Variants in EXOC2 observed in about 807,000 individuals in gnomAD.
The protein encoded by EXOC2 is SEC5-like 1.
Under a neutral mutation model 131.8 loss-of-function variants are expected in EXOC2, and 70 were observed. The observed-to-expected ratio is 0.53, with a 90% CI of 0.44 to 0.65. The LOEUF (loss-of-function observed/expected upper bound fraction) is 0.65, where lower values mean the gene tolerates loss of function less well. EXOC2 is among the 30% of genes least tolerant of loss of function. The probability of loss-of-function intolerance (pLI) is 0.00; values close to 1 mark genes in which losing one functional copy is unlikely to be tolerated. For synonymous variants in EXOC2, 411 were observed against 398.4 expected (o/e 1.03, Z -0.38); for missense variants, 923 against 1,108.6 (o/e 0.83, Z 2.38).
chr6:630,738 C>T (rs1761804062), intron 3 of EXOC2, among the ~76,000 whole-genome samples: 1 of 152,146 alleles, frequency 6.6e-6, no homozygotes, highest in Non-Finnish European at 1.5e-5. Context: ...GTTATCAGTG[C>T]TGGAAATGTC....
rs1759923239 is a variant in EXOC2, at chr6:598,132, A to T, written c.971-9T>A. On this transcript the variant is annotated splice_polypyrimidine_tract_variant and intron_variant, in intron 9 of 27. Transcript: ENST00000230449. ...TTCTACTTCAGCATAATCTATTTAA[A>T]AAGAAAAGAATACACAAGATTTACA... 6.3e-7 allele frequency: 1 copy of T among 1,576,644 alleles called. No individual in the cohort carries two copies. Among genetic ancestry groups the T allele is most frequent in the African/African-American group, 1.4e-5 (1 of 73,846 alleles).
intron 25 of EXOC2, among the ~76,000 whole-genome samples, chr6:494,352 G>A (rs139940834): frequency 1.4e-4 from 21 of 152,134 alleles, no homozygotes; most frequent in African/African-American, 4.6e-4. Flanking sequence ...AGCCTCACAT[G>A]ACCACATGGC....
chr6:684,066 C>G (rs1358236570), intron 1 of EXOC2, among the ~76,000 whole-genome samples: 1 of 152,224 alleles, frequency 6.6e-6, no homozygotes, highest in East Asian at 1.9e-4. Context: ...AGCAGCCTCT[C>G]GGCTGAGCGG....
chr6:692,209 C>T (rs1409576725), intron 1 of EXOC2, among the ~76,000 whole-genome samples: 2 of 152,210 alleles, frequency 1.3e-5, no homozygotes, highest in African/African-American at 4.8e-5. Context: ...TTCATAAAGG[C>T]ATCAGACTTA....
At chr6:549,093 T>C in intron 22 of EXOC2, 82 bp downstream of exon 22, 1 of 1,152,944 alleles carries the variant, frequency 8.7e-7, no homozygotes, top group Non-Finnish European at 1.3e-6. Context: ...TGGGCACTGC[T>C]AGCAGAACAC....
chr6:692,701 G>C (rs1764991197), intron 1 of EXOC2, among the ~76,000 whole-genome samples: 2 of 152,252 alleles, frequency 1.3e-5, no homozygotes, highest in Admixed American at 1.3e-4. Context: ...GGCGCAGTCT[G>C]GGGCCAGCTC....
intron 23 of EXOC2, among the ~76,000 whole-genome samples, chr6:501,078 A>C (rs955067518): frequency 7.7e-6 from 1 of 129,134 alleles, no homozygotes; most frequent in Admixed American, 9.9e-5. Flanking sequence ...ATATATCTAT[A>C]TATCTATTGG....
chr6:611,028 T>C (rs570843088), intron 6 of EXOC2, among the ~76,000 whole-genome samples: 19 of 152,370 alleles, frequency 1.2e-4, no homozygotes, highest in African/African-American at 4.3e-4. Flanking sequence ...TGACATAAGA[T>C]GTTTCTACAT....
intron 23 of EXOC2, among the ~76,000 whole-genome samples, chr6:502,515 G>A (rs1029572199): frequency 1.3e-5 from 2 of 152,068 alleles, no homozygotes; most frequent in Non-Finnish European, 2.9e-5. Context: ...ACACTTCCTG[G>A]CAAGAACCCA....
chr6:658,993 C>T (rs995435150), intron 1 of EXOC2, among the ~76,000 whole-genome samples: 2 of 152,094 alleles, frequency 1.3e-5, no homozygotes, highest in African/African-American at 4.8e-5. Flanking sequence ...TTAAATCCTC[C>T]CACTTATTCA....
intron 1 of EXOC2, among the ~76,000 whole-genome samples, chr6:654,812 A>AAAAAAAAAAC (rs1762993419): frequency 9.9e-6 from 1 of 100,582 alleles, no homozygotes; most frequent in African/African-American, 3.9e-5. Flanking sequence ...TCAAAAAAAA[A>AAAAAAAAAAC]AAAAAAAAAA....
chr6:621,111 A>G (rs1561935629), intron 4 of EXOC2, among the ~76,000 whole-genome samples: 1 of 152,192 alleles, frequency 6.6e-6, no homozygotes, highest in Non-Finnish European at 1.5e-5. Context: ...CATAGGCACA[A>G]CTTCCAATGG....
chr6:677,564 G>T (rs965296005), intron 1 of EXOC2, among the ~76,000 whole-genome samples: 2 of 152,102 alleles, frequency 1.3e-5, no homozygotes, highest in Non-Finnish European at 2.9e-5. Context: ...TGCCTCCTGG[G>T]TTCAAGCGAT....
At chr6:643,509 A>G (rs935710975) in intron 1 of EXOC2, among the ~76,000 whole-genome samples, 4 of 152,210 alleles carry the variant, frequency 2.6e-5, no homozygotes, top group Admixed American at 6.5e-5. Context: ...GAAATGAATG[A>G]TAAGAAACAT....
chr6:678,702 C>CA (rs2127793254), intron 1 of EXOC2, among the ~76,000 whole-genome samples: 1 of 152,306 alleles, frequency 6.6e-6, no homozygotes, highest in African/African-American at 2.4e-5. Context: ...CATGGGGCTC[C>CA]AGGGCAACAG....
intron 4 of EXOC2, among the ~76,000 whole-genome samples, chr6:621,672 C>G (rs2127684718): frequency 6.6e-6 from 1 of 152,190 alleles, no homozygotes; most frequent in African/African-American, 2.4e-5. Flanking sequence ...GATCGTGCAT[C>G]TTTTCTCACT....
At chr6:549,356 C>T (rs2127565558) in intron 21 of EXOC2, 65 bp from the exon 22 acceptor site, 1 of 1,179,256 alleles carries the variant, frequency 8.5e-7, no homozygotes, top group Non-Finnish European at 1.3e-6. Flanking sequence ...CTGATTAACA[C>T]TTGTCAAGTT....
Position 648,716 on chromosome 6 carries a change from CTTT to C in EXOC2, c.-43-10858_-43-10856del, listed in dbSNP as rs60202015. 7.4e-3 allele frequency among the ~76,000 whole-genome samples: 651 copies of C among 88,544 alleles called. 5 individuals carry two copies. The highest frequency in any genetic ancestry group is 0.021 in the African/African-American group (471 of 22,432). 58.1% of individuals were successfully genotyped at this position (88,544 alleles called of 152,430 possible). On this transcript the variant is annotated intron_variant, in intron 1 of 27. Transcript: ENST00000230449. ...CACATACCACAAACTTTTAAAAACT[CTTT>C]TTTTTTTTTTTTTTTTTTTTGAGAC...
intron 27 of EXOC2, 54 bp from the exon 28 acceptor site, chr6:486,818 C>A (rs371796750): frequency 7.1e-7 from 1 of 1,416,390 alleles, no homozygotes; most frequent in Non-Finnish European, 9.9e-7. Context: ...GGCCTAGCAA[C>A]GCAAGAAAAC....
Sources: gnomAD v4.1 joint callset for allele counts (sites outside exome capture counted in the v4.1 genomes callset) on GRCh38, gnomAD v4.1.1 for gene constraint, MANE v1.5 for transcripts, NCBI Gene and HGNC (gene_info 2026-07-23, HGNC 2026-07-21) for gene names.